Variants in OR1J2 observed in about 807,000 individuals in gnomAD.
OR1J2 encodes the protein olfactory receptor family 1 subfamily J member 2.
For missense variants in OR1J2, 304 were observed against 246.1 expected (o/e 1.24, Z -1.57); for synonymous variants, 142 against 99.7 (o/e 1.42, Z -2.52).
At chr9:122,554,176 C>T in the OR1J2 span, 446,825 of 1,582,326 alleles carry the variant, frequency 0.28, 73,196 homozygotes, top group East Asian at 0.83. Context: ...GACATCTAGA[C>T]GGTGATGTCT....
At chr9:122,484,254 T>C in the OR1J2 span, among the ~76,000 whole-genome samples, 1 of 152,012 alleles carries the variant, frequency 6.6e-6, no homozygotes, top group Non-Finnish European at 1.5e-5. Context: ...CTCCACCTCC[T>C]GGGTTCAAGA....
At chr9:122,514,590 A>G (rs1828675473), downstream of OR1J2, among the ~76,000 whole-genome samples, 1 of 152,240 alleles carries the variant, frequency 6.6e-6, no homozygotes, top group Admixed American at 6.5e-5. Flanking sequence ...TTAGACGGAT[A>G]AAAAATGAAT....
chr9:122,477,783 G>A, the OR1J2 span: 1 of 1,613,992 alleles, frequency 6.2e-7, no homozygotes, highest in Non-Finnish European at 8.5e-7. Flanking sequence ...CTAGCTGGAT[G>A]AGCAGCATGA....
At chr9:122,471,062 TG>T in the OR1J2 span, among the ~76,000 whole-genome samples, 1 of 152,186 alleles carries the variant, frequency 6.6e-6, no homozygotes, top group South Asian at 2.1e-4. Flanking sequence ...AGTTAAACTT[TG>T]GGGGACTGTA....
chr9:122,465,910 AT>A, the OR1J2 span, among the ~76,000 whole-genome samples: 2 of 152,188 alleles, frequency 1.3e-5, no homozygotes, highest in Non-Finnish European at 2.9e-5. Flanking sequence ...TGAAAGTTAA[AT>A]TCACTGATGA....
the OR1J2 span, among the ~76,000 whole-genome samples, chr9:122,540,022 G>T: frequency 6.6e-6 from 1 of 152,156 alleles, no homozygotes; most frequent in Admixed American, 6.5e-5. Context: ...TTAGCCCTCT[G>T]TCAGATGAGT....
the OR1J2 span, chr9:122,568,556 G>T: frequency 1.2e-6 from 1 of 836,536 alleles, no homozygotes; most frequent in Non-Finnish European, 1.9e-6. Flanking sequence ...TGAGAACCTA[G>T]CAAGTCTTTG....
chr9:122,526,934 G>A, the OR1J2 span: 9 of 1,614,200 alleles, frequency 5.6e-6, no homozygotes, highest in Non-Finnish European at 7.6e-6. Flanking sequence ...TGGCCACATA[G>A]CGGTCATACG....
At chr9:122,506,771 A>G (rs937847913), upstream of OR1J2, among the ~76,000 whole-genome samples, 45 of 152,258 alleles carry the variant, frequency 3.0e-4, no homozygotes, top group African/African-American at 1.0e-3. Context: ...GAAGGAACAG[A>G]GAGATATTGA....
the OR1J2 span, among the ~76,000 whole-genome samples, chr9:122,496,861 G>T: frequency 4.0e-3 from 607 of 152,276 alleles, 6 homozygotes; most frequent in African/African-American, 0.014. Flanking sequence ...AGGCAGGTTT[G>T]CCTTAAGTAG....
the OR1J2 span, among the ~76,000 whole-genome samples, chr9:122,563,637 T>C: frequency 1.4e-4 from 21 of 152,242 alleles, no homozygotes; most frequent in Non-Finnish European, 2.2e-4. Flanking sequence ...TTTGTCTATT[T>C]TTGCTTTTGT....
chr9:122,560,720 T>C, the OR1J2 span, among the ~76,000 whole-genome samples: 1 of 152,218 alleles, frequency 6.6e-6, no homozygotes, highest in South Asian at 2.1e-4. Context: ...GGGTTTCCCT[T>C]TGTAGGTGAC....
chr9:122,466,112 A>G, the OR1J2 span, among the ~76,000 whole-genome samples: 2 of 152,312 alleles, frequency 1.3e-5, no homozygotes, highest in East Asian at 1.9e-4. Context: ...TGTGAAGGCC[A>G]GGCCCAATAT....
the OR1J2 span, among the ~76,000 whole-genome samples, chr9:122,566,750 A>G: frequency 0.33 from 46,743 of 142,250 alleles, 8,043 homozygotes; most frequent in East Asian, 0.83. Context: ...AATTTATAAT[A>G]ATATTTCTAT....
At chr9:122,459,601 G>A in the OR1J2 span, among the ~76,000 whole-genome samples, 3 of 152,112 alleles carry the variant, frequency 2.0e-5, no homozygotes, top group South Asian at 4.1e-4. Flanking sequence ...GGATGCACCA[G>A]TTCATGCACC....
chr9:122,482,476 T>C, the OR1J2 span, among the ~76,000 whole-genome samples: 1 of 152,142 alleles, frequency 6.6e-6, no homozygotes, highest in African/African-American at 2.4e-5. Context: ...TCTCAAAAAA[T>C]TAAATAGAAC....
the OR1J2 span, among the ~76,000 whole-genome samples, chr9:122,521,378 C>T: frequency 6.6e-6 from 1 of 152,066 alleles, no homozygotes; most frequent in African/African-American, 2.4e-5. Flanking sequence ...TGAGCTAGAA[C>T]CAAATAACTA....
the OR1J2 span, among the ~76,000 whole-genome samples, chr9:122,541,626 A>G: frequency 6.6e-6 from 1 of 152,238 alleles, no homozygotes; most frequent in Non-Finnish European, 1.5e-5. Flanking sequence ...ACAGCCCTTT[A>G]TCTACATTAA....
chr9:122,454,078 G>A, the OR1J2 span, among the ~76,000 whole-genome samples: 1 of 152,194 alleles, frequency 6.6e-6, no homozygotes, highest in Non-Finnish European at 1.5e-5. Flanking sequence ...TAAGGTCTCA[G>A]GTAATTGTTG....
Sources: allele counts gnomAD v4.1 joint callset (sites outside exome capture counted in the v4.1 genomes callset), GRCh38; gene constraint gnomAD v4.1.1; transcripts MANE v1.5; gene names NCBI Gene and HGNC (gene_info 2026-07-23, HGNC 2026-07-21).